Variants in ZNF562 observed in about 807,000 individuals in gnomAD.
The protein encoded by ZNF562 is zinc finger protein 562.
Under a neutral mutation model 17.5 loss-of-function variants are expected in ZNF562, and 13 were observed. The ratio of observed to expected loss-of-function variants is 0.74; its 90% CI spans 0.48 to 1.18. ZNF562 has a LOEUF of 1.18. Among genes scored for constraint, ZNF562 ranks in the 50% most tolerant of loss-of-function variants. The pLI is 0.00. For missense variants in ZNF562, 481 were observed against 498.5 expected, an observed-to-expected ratio of 0.96 and a Z score of 0.33; for synonymous variants, 163 against 165.4, an observed-to-expected ratio of 0.99 and a Z score of 0.11.
chr19:9,669,734 G>GCGCGCACACACA (rs1221319747), intron 1 of ZNF562, among the ~76,000 whole-genome samples: 19 of 109,336 alleles, frequency 1.7e-4, no homozygotes, highest in East Asian at 8.9e-4. Context: ...GCGCGCGCGC[G>GCGCGCACACACA]CACACACACA....
rs1228514434 is a variant in ZNF562 at position 9,656,614 on chromosome 19, G to C, written c.281C>G (p.Pro94Arg). 1 of 1,614,052 alleles carries C rather than the reference G, an allele frequency of 6.2e-7. No individual in the cohort carries two copies. Among genetic ancestry groups the C allele is most frequent in the African/African-American group, 1.3e-5 (1 of 75,020 alleles). ...FCLTSEWEIQPRTKRSSLQQG... is the reference protein window; with the variant it reads ...FCLTSEWEIQRRTKRSSLQQG... ...CTGAAGTGATGACCGTTTGGTTCTA[G>C]GTTGTATTTCCCATTCTGAAGTTAA... is the stretch of plus-strand genomic sequence containing the variant. The change falls in exon 5 of 6, where the codon CCT (proline) becomes CGT (arginine). Residue 94 changes from proline (P) to arginine (R), a missense_variant. By Grantham distance (103) the Pro-to-Arg change is moderately radical. This residue lies in a region of ZNF562 where 403 missense variants were observed against 386.4 expected (regional missense o/e 1.04). Transcript: ENST00000453372.
chr19:9,662,839 G>A (rs2043805725), intron 1 of ZNF562, among the ~76,000 whole-genome samples: 1 of 151,738 alleles, frequency 6.6e-6, no homozygotes, highest in South Asian at 2.1e-4. Flanking sequence ...TAGCCCATAT[G>A]GTGAAACCTC....
chr19:9,669,711 CGCGCG>C (rs2044079160), intron 1 of ZNF562, among the ~76,000 whole-genome samples: 2 of 84,782 alleles, frequency 2.4e-5, no homozygotes, highest in Non-Finnish European at 4.3e-5. Context: ...TGCATGCACG[CGCGCG>C]AGCGCGCGCG....
rs753091393 is a variant in ZNF562, at chr19:9,643,044, GAA to G, written c.*9903_*9904del. 2.9e-4 allele frequency: 22 copies of G among 76,234 alleles called. No individual in the cohort carries two copies. In the East Asian group the frequency reaches 5.6e-3, roughly 19 times the overall value. The allele number at this position is 76,234 out of a possible 1,614,324, so 4.7% of individuals were successfully genotyped here. A position where few individuals can be genotyped will look rare whatever the true frequency, so the allele number is the denominator to read the frequency against. ...GTGACATGGCAAGACACTGTCTCTG[GAA>G]AAAAAAAAAAAAAAAAAGAACACCA... On this transcript the variant is annotated 3_prime_UTR_variant, in exon 6 of 6. Coordinates refer to ENST00000453372, the MANE Select transcript of ZNF562 (RefSeq NM_001130031.2).
At chr19:9,659,510 C>T in intron 2 of ZNF562, 43 bp from the exon 3 acceptor site, 2 of 1,541,360 alleles carry the variant, frequency 1.3e-6, no homozygotes, top group Non-Finnish European at 8.8e-7. Flanking sequence ...GAGCTGCCCA[C>T]ATTCTTATGC....
rs775890327 is a variant in ZNF562, at chr19:9,653,641, T to C, written c.589A>G (p.Ile197Val). 4 of 1,613,934 alleles carry C rather than the reference T, an allele frequency of 2.5e-6. No individual in the cohort carries two copies. The East Asian group carries it at 6.7e-5, about 27-fold the overall frequency. Residue 197 changes from isoleucine (I) to valine (V), a missense_variant, in exon 6 of 6, where the codon ATT becomes GTT. Ile to Val is a conservative substitution (Grantham distance 29). Around this residue, in one of 2 missense-constraint regions of ZNF562, gnomAD observed 403 missense variants for 386.4 expected, o/e 1.04. Transcript: ENST00000453372. ...TTGTAGGGTTGTCTTCCATTGAGAA[T>C]TTCAAGATGCACAGCAAGGCCTGGA... ...LTPGLAVHLEILNGRQPYKCK... is the reference protein window; with the variant it reads ...LTPGLAVHLEVLNGRQPYKCK...
chr19:9,674,527 A>C (rs980668404), intron 1 of ZNF562: 2 of 152,032 alleles, frequency 1.3e-5, no homozygotes, highest in African/African-American at 2.4e-5. Flanking sequence ...AAAAAAAAAA[A>C]AAGTAAAGGA....
intron 1 of ZNF562, among the ~76,000 whole-genome samples, chr19:9,673,521 C>T (rs950780254): frequency 6.6e-6 from 1 of 152,068 alleles, no homozygotes; most frequent in Non-Finnish European, 1.5e-5. Context: ...TAGTCTGGAT[C>T]TCCTGACCTC....
chr19:9,659,437 A>G lies in ZNF562; in HGVS notation c.56T>C (p.Phe19Ser), dbSNP rs755147072. The G allele has an allele frequency of 4.6e-5, 72 of 1,551,476 alleles. No homozygotes were observed. The highest frequency in any genetic ancestry group is 6.3e-5 in the Non-Finnish European group (72 of 1,146,920). ...GFFPREPICPFEEKTKIGTMV... is the reference protein window; with the variant it reads ...GFFPREPICPSEEKTKIGTMV... ...CGTTCCTATCTTTGTCTTTTCTTCA[A>G]AAGGACAGATTGGTTCCCTGGGAAA... Residue 19 changes from phenylalanine (F) to serine (S), a missense_variant, in exon 3 of 6, where the codon TTT (phenylalanine) becomes TCT (serine). Around this residue, in one of 2 missense-constraint regions of ZNF562, gnomAD observed 403 missense variants for 386.4 expected, o/e 1.04. Coordinates refer to ENST00000453372, the MANE Select transcript of ZNF562 (RefSeq NM_001130031.2).
intron 1 of ZNF562, among the ~76,000 whole-genome samples, chr19:9,667,435 T>G (rs2043992285): frequency 6.6e-6 from 1 of 152,144 alleles, no homozygotes; most frequent in Non-Finnish European, 1.5e-5. Flanking sequence ...AAATTGAAAG[T>G]CTTTCCTCTG....
At chr19:9,667,932 AAAAACCTGTTAGAACTGATAAATG>A (rs1473977627) in intron 1 of ZNF562, among the ~76,000 whole-genome samples, 1 of 152,180 alleles carries the variant, frequency 6.6e-6, no homozygotes, top group African/African-American at 2.4e-5. Context: ...AGACTCTACC[AAAAACCTGTTAGAACTGATAAATG>A]AATTCAGTAA....
chr19:9,662,849 C>T (rs983370925), intron 1 of ZNF562, among the ~76,000 whole-genome samples: 1 of 151,822 alleles, frequency 6.6e-6, no homozygotes, highest in African/African-American at 2.4e-5. Flanking sequence ...GGTGAAACCT[C>T]ATCTCTACTA....
At chr19:9,671,159 A>C (rs970125043) in intron 1 of ZNF562, among the ~76,000 whole-genome samples, 3 of 152,178 alleles carry the variant, frequency 2.0e-5, no homozygotes, top group Non-Finnish European at 2.9e-5. Flanking sequence ...AATATAGAAA[A>C]GATAAATATT....
rs144147705 is a variant in ZNF562 at position 9,657,731 on chromosome 19, T to C, written c.241+278A>G. Among the ~76,000 whole-genome samples the C allele has an allele frequency of 5.2e-3, 788 of 151,700 alleles. 9 individuals carry two copies. The highest frequency in any genetic ancestry group is 0.018 in the African/African-American group (754 of 41,386). On this transcript the variant is annotated intron_variant, in intron 4 of 5. Coordinates refer to ENST00000453372, the MANE Select transcript of ZNF562 (RefSeq NM_001130031.2). ...CTGGCTAATTTTTTTGCATTTTTAG[T>C]AGAGACAGGGTTTCACCATGTTAGC...
chr19:9,663,017 ATGT>A (rs1371396900), intron 1 of ZNF562, among the ~76,000 whole-genome samples: 2 of 151,722 alleles, frequency 1.3e-5, no homozygotes. Flanking sequence ...ATTGTTCTAA[ATGT>A]TGTTCTTTAC....
At chr19:9,659,007 C>A (rs1406321428) in intron 3 of ZNF562, among the ~76,000 whole-genome samples, 1 of 152,180 alleles carries the variant, frequency 6.6e-6, no homozygotes, top group East Asian at 1.9e-4. Context: ...TCCCATTGGT[C>A]TCTGGGCAGC....
At chr19:9,668,950 T>TAAA (rs149683337) in intron 1 of ZNF562, among the ~76,000 whole-genome samples, 1 of 144,902 alleles carries the variant, frequency 6.9e-6, no homozygotes, top group African/African-American at 2.6e-5. Context: ...TCTCTCAGCA[T>TAAA]AAAAAAAAAA....
rs2043587185 is a variant in ZNF562 at position 9,658,116 on chromosome 19, T to C, written c.134A>G (p.Asp45Gly). 1 of 1,613,356 alleles carries C rather than the reference T, an allele frequency of 6.2e-7. No individual in the cohort carries two copies. Among genetic ancestry groups the C allele is most frequent in the Admixed American group, 1.7e-5 (1 of 59,894 alleles). Residue 45 changes from aspartate to glycine, a missense_variant, in exon 4 of 6, where the codon GAT becomes GGT. This residue lies in a region of ZNF562 where 403 missense variants were observed against 386.4 expected (regional missense o/e 1.04). Coordinates refer to ENST00000453372, the MANE Select transcript of ZNF562 (RefSeq NM_001130031.2). ...NSYQDSVTFD[D>G]VAVEFTPEEW... Reference sequence around the variant, plus strand: ...CTCTGGGGTGAACTCCACAGCCACATCATCAAACGTCACTGAATCCTAAGT... The same window carrying C: ...CTCTGGGGTGAACTCCACAGCCACACCATCAAACGTCACTGAATCCTAAGT...
chr19:9,655,752 T>A (rs1238921672), intron 5 of ZNF562, among the ~76,000 whole-genome samples: 3 of 100,172 alleles, frequency 3.0e-5, no homozygotes, highest in South Asian at 3.6e-4. Context: ...TTTTTTTTTT[T>A]AGATGGAGTC....
Sources: allele counts gnomAD v4.1 joint callset (sites outside exome capture counted in the v4.1 genomes callset), GRCh38; gene constraint gnomAD v4.1.1; regional missense constraint gnomAD v4.1.1; transcripts MANE v1.5; gene names NCBI Gene and HGNC (gene_info 2026-07-23, HGNC 2026-07-21).